Variants in TMEFF2 observed in about 807,000 individuals in gnomAD.
TMEFF2 encodes transmembrane protein with EGF like and two follistatin like domains 2.
In TMEFF2, 28 loss-of-function variants were observed where a neutral mutation model predicts 53.8. That is an observed-to-expected ratio of 0.52 (90% CI 0.39 to 0.71). The LOEUF is 0.71. Among genes scored for constraint, TMEFF2 ranks in the 30% least tolerant of loss-of-function variants. The pLI, the probability that TMEFF2 is intolerant of heterozygous loss-of-function variation, is 0.00. For missense variants in TMEFF2, 353 were observed against 455.2 expected (o/e 0.78, Z 2.04); for synonymous variants, 162 against 166.3 (o/e 0.97, Z 0.20).
intron 4 of TMEFF2, among the ~76,000 whole-genome samples, chr2:192,116,691 T>C (rs1397279800): frequency 6.6e-6 from 1 of 152,126 alleles, no homozygotes; most frequent in East Asian, 1.9e-4. Flanking sequence ...TAACTACTTG[T>C]ATTTTAAAAA....
intron 4 of TMEFF2, among the ~76,000 whole-genome samples, chr2:192,075,119 T>G (rs758830643): frequency 6.6e-6 from 1 of 151,136 alleles, no homozygotes; most frequent in Non-Finnish European, 1.5e-5. Context: ...TTCCACAGAT[T>G]AGAATACTCG....
chr2:191,976,472 G>A (rs1302918975), intron 7 of TMEFF2, among the ~76,000 whole-genome samples: 1 of 152,228 alleles, frequency 6.6e-6, no homozygotes, highest in Non-Finnish European at 1.5e-5. Context: ...TGCTTTTCAG[G>A]TCACTTTGGC....
chr2:192,073,129 T>G (rs1453241294), intron 4 of TMEFF2, among the ~76,000 whole-genome samples: 2 of 151,994 alleles, frequency 1.3e-5, no homozygotes, highest in Non-Finnish European at 2.9e-5. Flanking sequence ...AGGTAGTGAT[T>G]TCTGTGTATA....
chr2:192,085,428 C>T (rs1220989116), intron 4 of TMEFF2, among the ~76,000 whole-genome samples: 2 of 152,142 alleles, frequency 1.3e-5, no homozygotes, highest in African/African-American at 2.4e-5. Flanking sequence ...GCACATCAAA[C>T]AGCACCACAT....
chr2:192,175,753 T>C (rs994356560), intron 4 of TMEFF2, among the ~76,000 whole-genome samples: 3 of 151,532 alleles, frequency 2.0e-5, no homozygotes, highest in African/African-American at 7.3e-5. Flanking sequence ...CATAAGATGA[T>C]ATTAAAATTT....
At chr2:192,101,221 C>G (rs1040526578) in intron 4 of TMEFF2, among the ~76,000 whole-genome samples, 1 of 152,098 alleles carries the variant, frequency 6.6e-6, no homozygotes, top group African/African-American at 2.4e-5. Context: ...GTCTGATGGG[C>G]AGCTTTCACT....
intron 4 of TMEFF2, among the ~76,000 whole-genome samples, chr2:192,098,017 A>T (rs919885334): frequency 1.3e-5 from 2 of 152,238 alleles, no homozygotes; most frequent in African/African-American, 2.4e-5. Flanking sequence ...AATTAACCAA[A>T]TACTGAGGTA....
intron 5 of TMEFF2, among the ~76,000 whole-genome samples, chr2:192,050,025 T>G (rs1017347281): frequency 1.3e-5 from 2 of 151,944 alleles, no homozygotes; most frequent in African/African-American, 4.8e-5. Context: ...AAAAAGCAAG[T>G]AAAAAGAGAA....
intron 4 of TMEFF2, among the ~76,000 whole-genome samples, chr2:192,109,057 TGTTTA>T (rs1337504883): frequency 6.6e-6 from 1 of 152,072 alleles, no homozygotes; most frequent in African/African-American, 2.4e-5. Flanking sequence ...GTAGTGTTTC[TGTTTA>T]GTGTAGTAAA....
rs115558567 is a variant in TMEFF2, at chr2:191,964,180, A to C, written c.746-7802T>G. Among the ~76,000 whole-genome samples, 988 of 151,790 alleles carry C rather than the reference A, an allele frequency of 6.5e-3. 15 individuals carry two copies. Among genetic ancestry groups the C allele is most frequent in the African/African-American group, 0.023 (943 of 41,414 alleles). Reference sequence around the variant, plus strand: ...ACCTAGATTCTATTGCTACTCTAAAAAACAATTTCCTTCCTTTCTCTTTCT... The same window carrying C: ...ACCTAGATTCTATTGCTACTCTAAACAACAATTTCCTTCCTTTCTCTTTCT... On this transcript the variant is annotated intron_variant, in intron 7 of 9. Transcript: ENST00000272771.
rs1377177320 is a variant in TMEFF2, at chr2:192,057,794, G to GT, written c.440-20dup. The GT allele has an allele frequency of 1.9e-6, 3 of 1,587,202 alleles. No homozygotes were observed. Among genetic ancestry groups the GT allele is most frequent in the Admixed American group, 1.7e-5 (1 of 59,958 alleles). ...TCATGGACTGTAGGACAGAAAAACAGTAAAAGGAATTCAGGTAATTGTGCA... is the reference window on the plus strand; with the variant it reads ...TCATGGACTGTAGGACAGAAAAACAGTTAAAAGGAATTCAGGTAATTGTGCA... On this transcript the variant is annotated intron_variant, in intron 4 of 9. Transcript: ENST00000272771.
intron 4 of TMEFF2, among the ~76,000 whole-genome samples, chr2:192,147,024 TACTC>T (rs1005814153): frequency 2.0e-5 from 3 of 152,250 alleles, no homozygotes; most frequent in South Asian, 2.1e-4. Flanking sequence ...ATAATTAAAA[TACTC>T]AGTCTATAAA....
intron 5 of TMEFF2, among the ~76,000 whole-genome samples, chr2:192,057,290 C>T (rs928841314): frequency 6.6e-6 from 1 of 152,130 alleles, no homozygotes; most frequent in African/African-American, 2.4e-5. Flanking sequence ...TCAAGCGATC[C>T]TCCTGCCTTG....
intron 5 of TMEFF2, among the ~76,000 whole-genome samples, chr2:192,045,896 C>A (rs889768502): frequency 2.6e-5 from 4 of 152,180 alleles, no homozygotes; most frequent in Non-Finnish European, 5.9e-5. Flanking sequence ...AATGCTTCTC[C>A]CAAAACTACC....
chr2:192,056,635 A>G (rs1687917339), intron 5 of TMEFF2, among the ~76,000 whole-genome samples: 1 of 152,178 alleles, frequency 6.6e-6, no homozygotes, highest in Non-Finnish European at 1.5e-5. Flanking sequence ...TAGTTACTCC[A>G]TCATCTTAGA....
At chr2:192,132,848 A>G (rs550403279) in intron 4 of TMEFF2, among the ~76,000 whole-genome samples, 2 of 152,304 alleles carry the variant, frequency 1.3e-5, no homozygotes, top group African/African-American at 4.8e-5. Context: ...TTCTGGCCCA[A>G]GGCTCTTTGA....
chr2:192,163,782 G>C (rs1384015074), intron 4 of TMEFF2, among the ~76,000 whole-genome samples: 2 of 152,160 alleles, frequency 1.3e-5, no homozygotes, highest in Non-Finnish European at 1.5e-5. Flanking sequence ...ATTCATTTAT[G>C]TTAAATGGGC....
chr2:192,090,215 G>C (rs894572105), intron 4 of TMEFF2, among the ~76,000 whole-genome samples: 1 of 152,094 alleles, frequency 6.6e-6, no homozygotes, highest in African/African-American at 2.4e-5. Flanking sequence ...GTGGTGCCTA[G>C]CCTAGTGCTA....
At chr2:192,161,036 A>T (rs1375970671) in intron 4 of TMEFF2, among the ~76,000 whole-genome samples, 10 of 152,090 alleles carry the variant, frequency 6.6e-5, no homozygotes, top group Non-Finnish European at 1.5e-4. Context: ...TGTGGAGCTC[A>T]CCCTAAGGAA....
Sources: allele counts gnomAD v4.1 joint callset (sites outside exome capture counted in the v4.1 genomes callset), GRCh38; gene constraint gnomAD v4.1.1; transcripts MANE v1.5; gene names NCBI Gene and HGNC (gene_info 2026-07-23, HGNC 2026-07-21).